Variants in RPH3AL observed in about 807,000 individuals in gnomAD.
RPH3AL encodes the protein rabphilin 3A like (without C2 domains).
RPH3AL carries 38 observed loss-of-function variants against 43.1 expected under a neutral mutation model. The ratio of observed to expected loss-of-function variants is 0.88; its 90% CI spans 0.68 to 1.15. The LOEUF (loss-of-function observed/expected upper bound fraction) is 1.15. Among genes scored for constraint, RPH3AL ranks in the 50% most tolerant of loss-of-function variants. RPH3AL has a pLI of 0.00. For missense variants in RPH3AL, 462 were observed against 423.2 expected (o/e 1.09, Z -0.81); for synonymous variants, 189 against 176.3 (o/e 1.07, Z -0.57).
chr17:299,644 G>A (rs73284627), intron 5 of RPH3AL, among the ~76,000 whole-genome samples: 48 of 152,364 alleles, frequency 3.2e-4, no homozygotes, highest in African/African-American at 1.2e-3. Flanking sequence ...GGCGACTGGA[G>A]GCCGGTGAAG....
At chr17:231,928 C>T (rs748157503) in intron 7 of RPH3AL, among the ~76,000 whole-genome samples, 33 of 152,246 alleles carry the variant, frequency 2.2e-4, no homozygotes, top group Non-Finnish European at 3.2e-4. Flanking sequence ...CCACGACAGG[C>T]AGGTGGGCTG....
At chr17:254,412 C>T (rs377238958) in intron 6 of RPH3AL, among the ~76,000 whole-genome samples, 57 of 5,988 alleles carry the variant, frequency 9.5e-3, no homozygotes, top group Non-Finnish European at 0.011. Flanking sequence ...TCCCTAGGAA[C>T]GTGACTACCC....
chr17:234,239 C>A (rs1262858275), intron 7 of RPH3AL, among the ~76,000 whole-genome samples: 1 of 93,056 alleles, frequency 1.1e-5, no homozygotes, highest in Non-Finnish European at 2.1e-5. Flanking sequence ...GAGCAGGGAG[C>A]GGCTACTTAC....
chr17:231,020 T>G (rs1180668352), intron 7 of RPH3AL, among the ~76,000 whole-genome samples: 2 of 152,218 alleles, frequency 1.3e-5, no homozygotes, highest in Non-Finnish European at 2.9e-5. Context: ...CCTCTGCCTC[T>G]GAATTTCTTA....
chr17:271,208 G>T (rs1263322759), intron 6 of RPH3AL, among the ~76,000 whole-genome samples: 1 of 152,186 alleles, frequency 6.6e-6, no homozygotes. Flanking sequence ...ATCAGGTAGC[G>T]TGATGCCTCC....
intron 6 of RPH3AL, among the ~76,000 whole-genome samples, chr17:265,057 C>T (rs1380079941): frequency 6.6e-6 from 1 of 152,180 alleles, no homozygotes; most frequent in Non-Finnish European, 1.5e-5. Context: ...ACACTGGGTG[C>T]CTCATACTTT....
rs376464030 is a variant in RPH3AL, at chr17:345,123, G to C, written c.-213+7589C>G. On this transcript the variant is annotated intron_variant, in intron 1 of 9. Coordinates refer to ENST00000331302, the MANE Select transcript of RPH3AL (RefSeq NM_006987.4). ...GTCTCTGAAAACACACACACACACA[G>C]AAAAAATTAGCTGGGCTCAGTGACA... Among the ~76,000 whole-genome samples the C allele has an allele frequency of 3.8e-3, 499 of 132,874 alleles. 58 individuals are homozygous for C. The highest frequency in any genetic ancestry group is 0.012 in the African/African-American group (476 of 38,666). The allele number at this position is 132,874 out of a possible 152,430, so 87.2% of individuals were successfully genotyped here.
Position 213,681 on chromosome 17 carries a change from G to A in RPH3AL, c.*171C>T. 2 of 645,448 alleles carry A rather than the reference G, an allele frequency of 3.1e-6. No individual in the cohort carries two copies. The highest frequency in any genetic ancestry group is 4.1e-4 in the Middle Eastern group (1 of 2,458). The allele number at this position is 645,448 out of a possible 1,614,324, so 40.0% of individuals were successfully genotyped here. A position where few individuals can be genotyped will look rare whatever the true frequency, so the allele number is the denominator to read the frequency against. Reference sequence around the variant, plus strand: ...CGGATGCAGACAGCTCCCCAGGAGAGAAGGGGTGCAGAAAGGCACTGAGCT... The same window carrying A: ...CGGATGCAGACAGCTCCCCAGGAGAAAAGGGGTGCAGAAAGGCACTGAGCT... On this transcript the variant is annotated 3_prime_UTR_variant, in exon 10 of 10. Transcript: ENST00000331302.
intron 1 of RPH3AL, among the ~76,000 whole-genome samples, chr17:341,837 T>C (rs1303835350): frequency 6.6e-6 from 1 of 152,206 alleles, no homozygotes; most frequent in East Asian, 1.9e-4. Flanking sequence ...CATACACCAC[T>C]GTGCCTGGCT....
intron 6 of RPH3AL, among the ~76,000 whole-genome samples, chr17:253,809 C>G (rs373390215): frequency 1.2e-3 from 63 of 52,626 alleles, no homozygotes; most frequent in African/African-American, 3.7e-3. Flanking sequence ...TCCCTAGGAA[C>G]GTGACTACCC....
intron 5 of RPH3AL, among the ~76,000 whole-genome samples, chr17:312,140 A>C (rs1352513165): frequency 6.6e-6 from 1 of 152,146 alleles, no homozygotes; most frequent in African/African-American, 2.4e-5. Context: ...TGTCTCTACA[A>C]AAAATTAAAA....
At chr17:272,956 C>CGACG (rs2042518453) in intron 6 of RPH3AL, among the ~76,000 whole-genome samples, 1 of 34,448 alleles carries the variant, frequency 2.9e-5, no homozygotes, top group Non-Finnish European at 6.6e-5. Context: ...CCAGCAAGGG[C>CGACG]TACGTCAGGG....
chr17:315,862 C>T (rs2044104991), intron 5 of RPH3AL, among the ~76,000 whole-genome samples: 2 of 151,678 alleles, frequency 1.3e-5, no homozygotes, highest in Admixed American at 6.6e-5. Flanking sequence ...CCTGTAGTCC[C>T]TGTGCCCCCA....
chr17:281,585 G>A (rs1347233185), intron 6 of RPH3AL, among the ~76,000 whole-genome samples, 183 bp downstream of exon 6: 3 of 151,714 alleles, frequency 2.0e-5, no homozygotes, highest in African/African-American at 4.8e-5. Context: ...TTTCTCCGCC[G>A]AGTGGTCAGT....
In RPH3AL at chr17:322,864, A is replaced by C. The variant is rs2044518725; in HGVS notation, c.78-1449T>G. ...GGGGAGCTGGGGGCTGATGAATGTGAAGATCTAGGGTTTGGAGTCCACTGG... is the reference window on the plus strand; with the variant it reads ...GGGGAGCTGGGGGCTGATGAATGTGCAGATCTAGGGTTTGGAGTCCACTGG... On this transcript the variant is annotated intron_variant, in intron 3 of 9. Transcript: ENST00000331302. This position sits in a 1 kb window ranked among gnomAD's most constrained non-coding sequence, Gnocchi z 4.0. Among the ~76,000 whole-genome samples the C allele has an allele frequency of 6.6e-6, 1 of 151,728 alleles. No individual in the cohort carries two copies. The highest frequency in any genetic ancestry group is 2.4e-5 in the African/African-American group (1 of 41,248).
intron 7 of RPH3AL, among the ~76,000 whole-genome samples, chr17:230,833 C>A (rs1158765682): frequency 6.6e-6 from 1 of 152,070 alleles, no homozygotes; most frequent in East Asian, 1.9e-4. Context: ...CTTTGTGCCT[C>A]CCTTGTTTTT....
intron 5 of RPH3AL, among the ~76,000 whole-genome samples, chr17:302,801 ATATCT>A (rs2043361642): frequency 6.6e-6 from 1 of 152,220 alleles, no homozygotes; most frequent in Non-Finnish European, 1.5e-5. Flanking sequence ...GATGTTTTTG[ATATCT>A]TATTAAGTGG....
intron 5 of RPH3AL, among the ~76,000 whole-genome samples, chr17:286,885 C>G (rs544213936): frequency 1.6e-4 from 25 of 151,816 alleles, no homozygotes; most frequent in African/African-American, 3.9e-4. Context: ...AGAAGCCACA[C>G]AACTCCAGGC....
intron 6 of RPH3AL, among the ~76,000 whole-genome samples, chr17:265,817 C>T (rs145703025): frequency 2.0e-5 from 3 of 152,070 alleles, no homozygotes; most frequent in East Asian, 3.9e-4. Context: ...GACGGGAGGC[C>T]GGTGGCACAG....
Sources: allele counts gnomAD v4.1 joint callset (sites outside exome capture counted in the v4.1 genomes callset), GRCh38; gene constraint gnomAD v4.1.1; non-coding constraint Gnocchi (gnomAD v3.1); transcripts MANE v1.5; gene names NCBI Gene and HGNC (gene_info 2026-07-23, HGNC 2026-07-21).